ADH4: variants seen among roughly 807,000 people sequenced by gnomAD.
The protein encoded by ADH4 is all-trans-retinol dehydrogenase [NAD(+)] ADH4.
ADH4 carries 31 observed loss-of-function variants against 35.2 expected under a neutral mutation model. The ratio of observed to expected loss-of-function variants is 0.88; its 90% CI spans 0.66 to 1.19. The LOEUF is 1.19. Among genes scored for constraint, ADH4 ranks in the 50% most tolerant of loss-of-function variants. The pLI, the probability that ADH4 is intolerant of heterozygous loss-of-function variation, is 0.00. For missense variants in ADH4, 476 were observed against 458.3 expected, an observed-to-expected ratio of 1.04 and a Z score of -0.35; for synonymous variants, 171 against 160.2, an observed-to-expected ratio of 1.07 and a Z score of -0.51.
At chr4:99,130,289 G>A (rs924664586) in intron 6 of ADH4, among the ~76,000 whole-genome samples, 20 of 152,052 alleles carry the variant, frequency 1.3e-4, no homozygotes, top group African/African-American at 4.8e-4. Context: ...TATTGCTGGG[G>A]GTTATCAAAG....
At position 99,127,088 on chromosome 4, in the gene ADH4, T is replaced by TGA. The variant is rs1338477427; in HGVS notation, c.979+120_979+121insTC. ...TAATAGTTTTTATGTAGTATTTGGA[T>TGA]ATGCTCTAGGGATTCAATGGTTGAA... On this transcript the variant is annotated intron_variant, in intron 7 of 8. Coordinates refer to ENST00000265512, the MANE Select transcript of ADH4 (RefSeq NM_000670.5). The TGA allele has an allele frequency of 4.8e-6, 3 of 622,062 alleles. No individual in the cohort carries two copies. In the African/African-American group the frequency reaches 5.7e-5, roughly 12 times the overall value. 38.5% of individuals were successfully genotyped at this position (622,062 alleles called of 1,614,324 possible).
At chr4:99,124,596 A>C in intron 8 of ADH4, 130 bp from the exon 9 acceptor site, 3 of 580,406 alleles carry the variant, frequency 5.2e-6, no homozygotes. Context: ...ATTAAGCCTA[A>C]TTTCTTTTAT....
At chr4:99,126,935 A>G (rs1729113603) in intron 7 of ADH4, among the ~76,000 whole-genome samples, 1 of 152,026 alleles carries the variant, frequency 6.6e-6, no homozygotes, top group Non-Finnish European at 1.5e-5. Flanking sequence ...TTTCCACTCT[A>G]TATAAGAAAT....
chr4:99,124,946 A>C, intron 8 of ADH4, among the ~76,000 whole-genome samples: 1 of 152,132 alleles, frequency 6.6e-6, no homozygotes, highest in Non-Finnish European at 1.5e-5. Flanking sequence ...TCAAGGACAG[A>C]GCAGTCTTTA....
intron 4 of ADH4, among the ~76,000 whole-genome samples, chr4:99,137,500 G>A (rs745868730): frequency 2.0e-5 from 3 of 152,062 alleles, no homozygotes; most frequent in Non-Finnish European, 4.4e-5. Context: ...GACCTCAGGT[G>A]ATCTGCCAGC....
At chr4:99,132,920 T>A (rs1479994920) in intron 5 of ADH4, among the ~76,000 whole-genome samples, 4 of 152,204 alleles carry the variant, frequency 2.6e-5, no homozygotes, top group Admixed American at 2.6e-4. Flanking sequence ...TACACACCTC[T>A]GGCTTTTGCT....
chr4:99,142,885 C>A, intron 1 of ADH4, 105 bp from the exon 2 acceptor site: 1 of 683,522 alleles, frequency 1.5e-6, no homozygotes, highest in East Asian at 2.7e-5. Context: ...TATATTGATA[C>A]TGTAATTTCA....
chr4:99,140,759 C>T (rs1371743845), intron 3 of ADH4, among the ~76,000 whole-genome samples: 3 of 151,232 alleles, frequency 2.0e-5, no homozygotes, highest in East Asian at 1.9e-4. Context: ...CCCAGCTACT[C>T]GGGAGGCTGA....
chr4:99,138,460 A>G (rs917963734), intron 4 of ADH4, among the ~76,000 whole-genome samples: 2 of 152,182 alleles, frequency 1.3e-5, no homozygotes, highest in Non-Finnish European at 2.9e-5. Flanking sequence ...CTCCAGAGCC[A>G]TACTGCCGGG....
Position 99,144,188 on chromosome 4 carries a change from A to G in ADH4, c.18+17T>C. Reference sequence around the variant, plus strand: ...AGAAAAGCACAAACTGAACAAAGATACAGCTTACTTGCTTACTTTGCCCTT... The same window carrying G: ...AGAAAAGCACAAACTGAACAAAGATGCAGCTTACTTGCTTACTTTGCCCTT... On this transcript the variant is annotated intron_variant, in intron 1 of 8. Coordinates refer to ENST00000265512, the MANE Select transcript of ADH4 (RefSeq NM_000670.5). 6.2e-7 allele frequency: 1 copy of G among 1,613,584 alleles called. No individual in the cohort carries two copies. Among genetic ancestry groups the G allele is most frequent in the Non-Finnish European group, 8.5e-7 (1 of 1,179,492 alleles).
At chr4:99,143,690 G>A (rs1050931457) in intron 1 of ADH4, among the ~76,000 whole-genome samples, 2 of 147,160 alleles carry the variant, frequency 1.4e-5, no homozygotes, top group Admixed American at 6.8e-5. Context: ...TGTTTCAAAT[G>A]AAGTATATAT....
At chr4:99,127,179 T>C in intron 7 of ADH4, 30 bp downstream of exon 7, 1 of 1,561,058 alleles carries the variant, frequency 6.4e-7, no homozygotes, top group Non-Finnish European at 8.6e-7. Context: ...AGGAAAAGAA[T>C]TTAAAGCTAT....
At chr4:99,143,274 A>G in intron 1 of ADH4, 1 of 700,792 alleles carries the variant, frequency 1.4e-6, no homozygotes, top group East Asian at 2.7e-5. Context: ...GTTAGAGATG[A>G]AAGCCCTGCC....
chr4:99,126,702 A>G lies in ADH4; in HGVS notation c.1010T>C (p.Leu337Pro). 3.7e-6 allele frequency: 6 copies of G among 1,611,114 alleles called. No individual in the cohort carries two copies. The highest frequency in any genetic ancestry group is 5.1e-6 in the Non-Finnish European group (6 of 1,177,834). The change falls in exon 8 of 9, where the codon CTG becomes CCG. Residue 337 changes from leucine (L) to proline (P), a missense_variant. Leu to Pro is a moderately conservative substitution (Grantham distance 98). Transcript: ENST00000265512. ...TTTCTTATTCTTATAGTCAGTGACCAGCTTTGGGATAGAATCTACACTTTT... is the reference window on the plus strand; with the variant it reads ...TTTCTTATTCTTATAGTCAGTGACCGGCTTTGGGATAGAATCTACACTTTT... The part of the protein sequence containing the change: ...GWKSVDSIPK[L>P]VTDYKNKKFN...
chr4:99,136,061 G>A (rs1465876379), intron 5 of ADH4, among the ~76,000 whole-genome samples: 6 of 152,164 alleles, frequency 3.9e-5, no homozygotes, highest in African/African-American at 1.4e-4. Flanking sequence ...GGAGAAGACA[G>A]GGGTGGTTGT....
intron 6 of ADH4, among the ~76,000 whole-genome samples, chr4:99,128,118 G>A (rs1729156164): frequency 6.6e-6 from 1 of 151,764 alleles, no homozygotes; most frequent in African/African-American, 2.4e-5. Context: ...TTCTTACTTA[G>A]GTTTTCACCT....
At chr4:99,135,317 TA>T in intron 5 of ADH4, among the ~76,000 whole-genome samples, 1 of 152,094 alleles carries the variant, frequency 6.6e-6, no homozygotes, top group South Asian at 2.1e-4. Context: ...TAATCCCAGC[TA>T]CTTGGAGGGC....
intron 1 of ADH4, 68 bp from the exon 2 acceptor site, chr4:99,142,848 AGAG>A: frequency 8.7e-7 from 1 of 1,154,170 alleles, no homozygotes; most frequent in Non-Finnish European, 1.2e-6. Context: ...GGGGTAGGAG[AGAG>A]GAGATCATGA....
Position 99,136,093 on chromosome 4 carries a change from T to G in ADH4, c.582+373A>C, listed in dbSNP as rs187322181. Among the ~76,000 whole-genome samples the G allele has an allele frequency of 3.0e-3, 451 of 152,296 alleles. 3 individuals carry two copies. The highest frequency in any genetic ancestry group is 0.01 in the African/African-American group (429 of 41,564). On this transcript the variant is annotated intron_variant, in intron 5 of 8. Coordinates refer to ENST00000265512, the MANE Select transcript of ADH4 (RefSeq NM_000670.5). ...TTGTGTGAAGATGGAAGTGAGTTTC[T>G]GTCATTTTTGTTGCCCTTTGACTGA...
Sources: gnomAD v4.1 joint callset for allele counts (sites outside exome capture counted in the v4.1 genomes callset) on GRCh38, gnomAD v4.1.1 for gene constraint, MANE v1.5 for transcripts, NCBI Gene and HGNC (gene_info 2026-07-23, HGNC 2026-07-21) for gene names.